Variants in GRIK1 observed in about 807,000 individuals in gnomAD.
GRIK1 encodes the protein glutamate receptor ionotropic, kainate 1.
In GRIK1, 69 loss-of-function variants were observed where a neutral mutation model predicts 105.7. The observed-to-expected ratio is 0.65, with a 90% CI of 0.54 to 0.80. The LOEUF is 0.80. Ranked by LOEUF, GRIK1 falls within the 30% of genes least tolerant of loss-of-function variation. The probability of loss-of-function intolerance (pLI) is 0.00; values close to 1 mark genes in which losing one functional copy is unlikely to be tolerated. For missense variants in GRIK1, 1,109 were observed against 1,167.3 expected, an observed-to-expected ratio of 0.95 and a Z score of 0.73; for synonymous variants, 438 against 431.3, an observed-to-expected ratio of 1.02 and a Z score of -0.19.
chr21:29,839,264 T>A (rs1255508280), intron 1 of GRIK1, among the ~76,000 whole-genome samples: 1 of 152,034 alleles, frequency 6.6e-6, no homozygotes, highest in Non-Finnish European at 1.5e-5. Flanking sequence ...TGGCCAGGCT[T>A]GTCTCAAACT....
At chr21:29,805,392 G>A (rs2300323) in intron 1 of GRIK1, among the ~76,000 whole-genome samples, 16,148 of 152,108 alleles carry the variant, frequency 0.11, 960 homozygotes, top group African/African-American at 0.14. Context: ...TTGGGCCACT[G>A]ATCAAACTGG....
chr21:29,661,178 A>G (rs1047241829), intron 4 of GRIK1, among the ~76,000 whole-genome samples: 1 of 152,218 alleles, frequency 6.6e-6, no homozygotes, highest in African/African-American at 2.4e-5. Flanking sequence ...TACATCTACA[A>G]AAGTAATAGT....
intron 15 of GRIK1, among the ~76,000 whole-genome samples, chr21:29,560,510 TCC>T (rs1491416395): frequency 0.085 from 2,426 of 28,572 alleles, 456 homozygotes; most frequent in African/African-American, 0.11. Flanking sequence ...CTTCCTTCCT[TCC>T]TTCCTTCCTT....
At chr21:29,610,417 C>CA (rs1181237348) in intron 7 of GRIK1, among the ~76,000 whole-genome samples, 3 of 151,958 alleles carry the variant, frequency 2.0e-5, no homozygotes, top group African/African-American at 7.3e-5. Context: ...AAAAGGGACC[C>CA]AGGAAGGGTC....
intron 16 of GRIK1, among the ~76,000 whole-genome samples, chr21:29,541,112 T>C (rs2089961738): frequency 6.6e-6 from 1 of 151,918 alleles, no homozygotes; most frequent in Non-Finnish European, 1.5e-5. Context: ...GGACTACAGG[T>C]GCGCGCCACC....
At chr21:29,770,881 C>T (rs1245372706) in intron 1 of GRIK1, among the ~76,000 whole-genome samples, 1 of 152,132 alleles carries the variant, frequency 6.6e-6, no homozygotes, top group East Asian at 1.9e-4. Flanking sequence ...TTAGTGTCAC[C>T]TTATTTCAGT....
At chr21:29,810,108 G>T (rs889443771) in intron 1 of GRIK1, among the ~76,000 whole-genome samples, 17 of 152,070 alleles carry the variant, frequency 1.1e-4, no homozygotes, top group African/African-American at 4.1e-4. Flanking sequence ...GACCAGTATT[G>T]CCAACATGGT....
At chr21:29,835,738 T>G (rs995240307) in intron 1 of GRIK1, among the ~76,000 whole-genome samples, 4 of 152,234 alleles carry the variant, frequency 2.6e-5, no homozygotes, top group Admixed American at 2.6e-4. Context: ...TGTTGTTTGC[T>G]GAAGAAGCCA....
At chr21:29,629,518 T>G in intron 7 of GRIK1, among the ~76,000 whole-genome samples, 1 of 149,868 alleles carries the variant, frequency 6.7e-6, no homozygotes, top group African/African-American at 2.5e-5. Flanking sequence ...TGAGACAGAG[T>G]CTTGCTCTGT....
chr21:29,637,271 T>G (rs559197576), intron 7 of GRIK1, among the ~76,000 whole-genome samples: 1 of 152,180 alleles, frequency 6.6e-6, no homozygotes, highest in African/African-American at 2.4e-5. Flanking sequence ...ATTAGAAACC[T>G]TCTTCTTTCC....
chr21:29,894,184 T>C (rs2070019275), intron 1 of GRIK1, among the ~76,000 whole-genome samples: 1 of 152,070 alleles, frequency 6.6e-6, no homozygotes, highest in Non-Finnish European at 1.5e-5. Context: ...ATGGAGTTTA[T>C]TAAGGAGAAT....
intron 1 of GRIK1, among the ~76,000 whole-genome samples, chr21:29,833,874 T>A (rs940142694): frequency 5.3e-5 from 8 of 152,186 alleles, no homozygotes; most frequent in Non-Finnish European, 1.2e-4. Flanking sequence ...ATATGGAGAA[T>A]CTCCATGCTT....
chr21:29,579,607 A>G (rs1008981484), intron 13 of GRIK1, among the ~76,000 whole-genome samples: 1 of 152,156 alleles, frequency 6.6e-6, no homozygotes, highest in African/African-American at 2.4e-5. Context: ...AGAGAGAGCA[A>G]CAGAGGATAA....
rs372106416 is a variant in GRIK1, at chr21:29,553,583, C to T, written c.2607+1469G>A. ...CACAGTATGAACTGAGGACTGTTTT[C>T]GAATCCCTCTCTCCTCTCGAATTAA... On this transcript the variant is annotated intron_variant, in intron 16 of 17. Coordinates refer to ENST00000327783, the MANE Select transcript of GRIK1 (RefSeq NM_001330994.2). 3.3e-5 allele frequency: 53 copies of T among 1,593,062 alleles called. No homozygotes were observed. In the East Asian group the frequency reaches 8.7e-4, roughly 26 times the overall value.
intron 1 of GRIK1, among the ~76,000 whole-genome samples, chr21:29,839,807 T>C (rs2067925960): frequency 6.6e-6 from 1 of 152,192 alleles, no homozygotes; most frequent in South Asian, 2.1e-4. Flanking sequence ...TTATAAGGAA[T>C]AGTGGATGAA....
intron 4 of GRIK1, among the ~76,000 whole-genome samples, chr21:29,671,513 T>C (rs2226333): frequency 0.37 from 56,514 of 151,860 alleles, 13,500 homozygotes; most frequent in African/African-American, 0.68. Context: ...CTGAACTCAA[T>C]GGCTGCATGG....
intron 1 of GRIK1, among the ~76,000 whole-genome samples, chr21:29,728,970 G>A (rs2064541212): frequency 6.6e-6 from 1 of 152,158 alleles, no homozygotes; most frequent in Non-Finnish European, 1.5e-5. Context: ...TACCATATAA[G>A]TAGGTTCCAA....
chr21:29,635,047 AG>A (rs1240168220), intron 7 of GRIK1, among the ~76,000 whole-genome samples: 2 of 152,194 alleles, frequency 1.3e-5, no homozygotes, highest in Non-Finnish European at 2.9e-5. Context: ...AAAAATGATG[AG>A]GGCAGTGGGC....
At chr21:29,884,419 T>C (rs1160679903) in intron 1 of GRIK1, among the ~76,000 whole-genome samples, 1 of 151,980 alleles carries the variant, frequency 6.6e-6, no homozygotes, top group Non-Finnish European at 1.5e-5. Context: ...GTTGGTTGTA[T>C]TTTTTTCCAT....
Sources: allele counts gnomAD v4.1 joint callset (sites outside exome capture counted in the v4.1 genomes callset), GRCh38; gene constraint gnomAD v4.1.1; transcripts MANE v1.5; gene names NCBI Gene and HGNC (gene_info 2026-07-23, HGNC 2026-07-21).